SORCS1: variants seen among roughly 807,000 people sequenced by gnomAD.
SORCS1 encodes VPS10 domain-containing receptor SorCS1.
A neutral mutation model predicts 146.1 loss-of-function variants in SORCS1; 60 were observed. The observed-to-expected ratio is 0.41, with a 90% CI of 0.33 to 0.51. The LOEUF (loss-of-function observed/expected upper bound fraction) is 0.51. Ranked by LOEUF, SORCS1 falls within the 20% of genes least tolerant of loss-of-function variation. SORCS1 has a pLI of 0.21. For missense variants in SORCS1, 1,352 were observed against 1,487.6 expected, an observed-to-expected ratio of 0.91 and a Z score of 1.50; for synonymous variants, 637 against 584.0, an observed-to-expected ratio of 1.09 and a Z score of -1.31.
chr10:106,709,245 T>C lies in SORCS1; in HGVS notation c.1121A>G (p.Gln374Arg), dbSNP rs1854771678. 3.1e-6 allele frequency: 5 copies of C among 1,613,228 alleles called. No homozygotes were observed. The highest frequency in any genetic ancestry group is 3.3e-5 in the Admixed American group (2 of 59,980). The stretch of plus-strand genomic sequence containing the variant: ...TACCTGAACAAACACATAATGATCC[T>C]GAACAATCAAAGAGTCTGGGTCAAT... ...GYIDPDSLIVQDHYVFVQLTS... is the reference protein window; with the variant it reads ...GYIDPDSLIVRDHYVFVQLTS... Residue 374 changes from glutamine to arginine, a missense_variant, in exon 7 of 26, where the codon CAG (glutamine) becomes CGG (arginine). This residue lies in a region of SORCS1 where 490 missense variants were observed against 489.1 expected (regional missense o/e 1.00). Coordinates refer to ENST00000263054, the MANE Select transcript of SORCS1 (RefSeq NM_052918.5).
chr10:106,654,605 A>G (rs1850135947), intron 17 of SORCS1, among the ~76,000 whole-genome samples: 1 of 152,206 alleles, frequency 6.6e-6, no homozygotes, highest in South Asian at 2.1e-4. Flanking sequence ...TAACTGTACC[A>G]GTTTAAATGT....
chr10:107,125,754 A>G (rs1018570803), intron 1 of SORCS1, among the ~76,000 whole-genome samples: 7 of 152,194 alleles, frequency 4.6e-5, no homozygotes, highest in African/African-American at 7.2e-5. Flanking sequence ...TGAATCATTC[A>G]GTTCTTTTTT....
chr10:106,742,392 T>C (rs1406782210), intron 5 of SORCS1, among the ~76,000 whole-genome samples: 1 of 152,194 alleles, frequency 6.6e-6, no homozygotes, highest in Non-Finnish European at 1.5e-5. Context: ...ACACAATTTT[T>C]TTTTTGAGAT....
At chr10:106,803,151 T>C (rs80054690) in intron 3 of SORCS1, among the ~76,000 whole-genome samples, 19,927 of 152,072 alleles carry the variant, frequency 0.13, 1,359 homozygotes, top group East Asian at 0.26. Context: ...CCCAAACCTC[T>C]GCTCACCAAA....
intron 1 of SORCS1, among the ~76,000 whole-genome samples, chr10:107,154,520 G>GA (rs763143832): frequency 4.4e-4 from 66 of 148,854 alleles, no homozygotes; most frequent in South Asian, 1.5e-3. Context: ...CACAACACAT[G>GA]AAAAAAAAAC....
At chr10:106,989,434 C>T (rs1180418824) in intron 1 of SORCS1, among the ~76,000 whole-genome samples, 1 of 151,954 alleles carries the variant, frequency 6.6e-6, no homozygotes, top group African/African-American at 2.4e-5. Flanking sequence ...TCTCTACTAG[C>T]CATCTTCAAG....
At chr10:106,596,583 T>C (rs1209348519) in intron 24 of SORCS1, among the ~76,000 whole-genome samples, 3 of 152,166 alleles carry the variant, frequency 2.0e-5, no homozygotes, top group Non-Finnish European at 4.4e-5. Flanking sequence ...TCAATGACAT[T>C]AAGTAAATTG....
At chr10:106,857,337 C>A (rs1393435491) in intron 2 of SORCS1, among the ~76,000 whole-genome samples, 1 of 152,160 alleles carries the variant, frequency 6.6e-6, no homozygotes, top group East Asian at 1.9e-4. Flanking sequence ...AAACACAGAG[C>A]CATACTGCCA....
At chr10:106,976,339 T>TTTTGTTTTTG (rs755837223) in intron 1 of SORCS1, among the ~76,000 whole-genome samples, 11,831 of 140,850 alleles carry the variant, frequency 0.084, 963 homozygotes, top group African/African-American at 0.19. Context: ...TTTTGTTTTT[T>TTTTGTTTTTG]TTTTTTTTTT....
chr10:106,839,009 C>T lies in SORCS1; in HGVS notation c.627-9336G>A, dbSNP rs540600317. On this transcript the variant is annotated intron_variant, in intron 2 of 25. Coordinates refer to ENST00000263054, the MANE Select transcript of SORCS1 (RefSeq NM_052918.5). ...GACTGCTCCAACAACCAGCTATTCC[C>T]TATCCCTTTCTCCCTCCTTTTCTTT... 1.4e-3 allele frequency among the ~76,000 whole-genome samples: 216 copies of T among 152,292 alleles called. 3 individuals carry two copies. Among genetic ancestry groups the T allele is most frequent in the African/African-American group, 4.9e-3 (204 of 41,558 alleles).
intron 1 of SORCS1, among the ~76,000 whole-genome samples, chr10:107,026,231 G>C (rs185828113): frequency 6.6e-6 from 1 of 152,298 alleles, no homozygotes; most frequent in Admixed American, 6.5e-5. Context: ...GATTTCTTTA[G>C]GTGAGCAGAA....
chr10:106,700,254 C>G (rs1009397274), intron 8 of SORCS1, among the ~76,000 whole-genome samples: 5 of 152,074 alleles, frequency 3.3e-5, no homozygotes, highest in African/African-American at 1.2e-4. Flanking sequence ...TTCTTTTTCC[C>G]CCATTCATAA....
Position 106,652,973 on chromosome 10 carries a change from GA to G in SORCS1, c.2304-421del, listed in dbSNP as rs1161239078. ...ATCGCAAAGGAATTTACAATTCAGAGAAAAAATAGATTATGATAGATATATG... is the reference window on the plus strand; with the variant it reads ...ATCGCAAAGGAATTTACAATTCAGAGAAAAATAGATTATGATAGATATATG... On this transcript the variant is annotated intron_variant, in intron 17 of 25. Coordinates refer to ENST00000263054, the MANE Select transcript of SORCS1 (RefSeq NM_052918.5). Among the ~76,000 whole-genome samples, 7 of 152,198 alleles carry G rather than the reference GA, an allele frequency of 4.6e-5. No individual in the cohort carries two copies. In the East Asian group the frequency reaches 1.4e-3, roughly 29 times the overall value.
At chr10:106,726,468 C>T (rs940814926) in intron 6 of SORCS1, among the ~76,000 whole-genome samples, 2 of 150,498 alleles carry the variant, frequency 1.3e-5, no homozygotes, top group Non-Finnish European at 2.9e-5. Context: ...GCATTATCAA[C>T]CGCCATGCCT....
intron 2 of SORCS1, among the ~76,000 whole-genome samples, chr10:106,870,349 A>G (rs1950361099): frequency 6.6e-6 from 1 of 152,200 alleles, no homozygotes; most frequent in Non-Finnish European, 1.5e-5. Flanking sequence ...TAAAATTCAT[A>G]TGGAATCAAA....
intron 1 of SORCS1, among the ~76,000 whole-genome samples, chr10:106,984,263 T>C (rs1489995550): frequency 6.6e-6 from 1 of 152,194 alleles, no homozygotes; most frequent in Non-Finnish European, 1.5e-5. Context: ...ATTTTTTACA[T>C]ATTTCCCACG....
chr10:107,011,002 C>A (rs1957674806), intron 1 of SORCS1, among the ~76,000 whole-genome samples: 1 of 152,126 alleles, frequency 6.6e-6, no homozygotes, highest in Non-Finnish European at 1.5e-5. Context: ...CTTCAACATG[C>A]TGTAAGATCT....
At chr10:106,948,403 T>G (rs1423645133) in intron 2 of SORCS1, among the ~76,000 whole-genome samples, 1 of 151,934 alleles carries the variant, frequency 6.6e-6, no homozygotes, top group South Asian at 2.1e-4. Context: ...CAGGGTAGAG[T>G]GGCTCACGTC....
rs1859107449 is a variant in SORCS1, at chr10:106,761,523, G to T, written c.959+65C>A. On this transcript the variant is annotated intron_variant, in intron 5 of 25. Coordinates refer to ENST00000263054, the MANE Select transcript of SORCS1 (RefSeq NM_052918.5). ...ACTGGTGAGAACAAGATTCCAATGG[G>T]CATTTACTAGGTCATATCTGACTAG... 33 of 1,382,436 alleles carry T rather than the reference G, an allele frequency of 2.4e-5. 1 individual carries two copies. The South Asian group carries it at 3.6e-4, about 15-fold the overall frequency. The allele number at this position is 1,382,436 out of a possible 1,614,324, so 85.6% of individuals were successfully genotyped here.
Sources: allele counts gnomAD v4.1 joint callset (sites outside exome capture counted in the v4.1 genomes callset), GRCh38; gene constraint gnomAD v4.1.1; regional missense constraint gnomAD v4.1.1; transcripts MANE v1.5; gene names NCBI Gene and HGNC (gene_info 2026-07-23, HGNC 2026-07-21).